Variants in USP16 observed in about 807,000 individuals in gnomAD.
USP16 encodes the protein ubiquitin specific peptidase 16.
In USP16, 77 loss-of-function variants were observed where a neutral mutation model predicts 95.9. That is an observed-to-expected ratio of 0.80 (90% CI 0.67 to 0.97). The LOEUF (loss-of-function observed/expected upper bound fraction) is 0.97, where lower values mean the gene tolerates loss of function less well. Among genes scored for constraint, USP16 ranks in the 50% least tolerant of loss-of-function variants. USP16 has a pLI of 0.00. For missense variants in USP16, 943 were observed against 959.9 expected (o/e 0.98, Z 0.23); for synonymous variants, 303 against 318.2 (o/e 0.95, Z 0.51).
intron 14 of USP16, among the ~76,000 whole-genome samples, chr21:29,048,559 A>G (rs1295435983): frequency 1.3e-5 from 2 of 152,190 alleles, no homozygotes; most frequent in African/African-American, 4.8e-5. Context: ...ATTTATGGAC[A>G]TTTTAATCTC....
chr21:29,050,292 T>G, intron 16 of USP16, 114 bp downstream of exon 16: 3 of 811,364 alleles, frequency 3.7e-6, no homozygotes, highest in Non-Finnish European at 5.7e-6. Flanking sequence ...TTGAGTAGAG[T>G]GGGTCTTTGA....
Position 29,036,263 on chromosome 21 carries a change from G to A in USP16, c.345-8G>A, listed in dbSNP as rs747823878. On this transcript the variant is annotated splice_region_variant and splice_polypyrimidine_tract_variant and intron_variant, in intron 4 of 17. Transcript: ENST00000399976. ...TGTCATTTTTCATCTCTGATTTTTG[G>A]GTCACAGGTGTTACGTATGTGATAA... 1.3e-6 allele frequency: 2 copies of A among 1,588,444 alleles called. No homozygotes were observed. Among genetic ancestry groups the A allele is most frequent in the Non-Finnish European group, 1.7e-6 (2 of 1,164,716 alleles).
intron 12 of USP16, chr21:29,043,151 G>C (rs2085269224): frequency 4.5e-6 from 1 of 220,900 alleles, no homozygotes; most frequent in African/African-American, 2.3e-5. Context: ...GTGTGACACA[G>C]CATGTATCTA....
intron 2 of USP16, among the ~76,000 whole-genome samples, chr21:29,029,329 C>T (rs893590110): frequency 1.3e-5 from 2 of 152,140 alleles, no homozygotes; most frequent in Non-Finnish European, 2.9e-5. Flanking sequence ...AGGAGAATGG[C>T]GTGAACCTGG....
chr21:29,033,553 CAGA>C (rs1454942689), intron 3 of USP16, among the ~76,000 whole-genome samples: 1 of 152,196 alleles, frequency 6.6e-6, no homozygotes, highest in African/African-American at 2.4e-5. Context: ...TAGCTGAAAG[CAGA>C]AGTTTAGGTC....
intron 16 of USP16, among the ~76,000 whole-genome samples, chr21:29,051,788 T>G (rs933015100): frequency 1.3e-5 from 2 of 151,078 alleles, no homozygotes; most frequent in African/African-American, 4.9e-5. Context: ...CGAGATTGCG[T>G]CACTGCACTC....
At chr21:29,038,302 ATTTTTCTC>A in intron 6 of USP16, 25 bp from the exon 7 acceptor site, 1 of 1,486,788 alleles carries the variant, frequency 6.7e-7, no homozygotes, top group Non-Finnish European at 9.3e-7. Flanking sequence ...CCTTTAAATA[ATTTTTCTC>A]TTTTTTTTTC....
chr21:29,042,441 A>G (rs2085258272), intron 11 of USP16, 31 bp from the exon 12 acceptor site: 15 of 1,594,380 alleles, frequency 9.4e-6, no homozygotes, highest in Non-Finnish European at 1.3e-5. Flanking sequence ...CAGTATTTAC[A>G]TTTTTACACT....
Position 29,046,993 on chromosome 21 carries a change from C to T in USP16, c.1683C>T (p.Tyr561=). 1 of 1,614,014 alleles carries T rather than the reference C, an allele frequency of 6.2e-7. No homozygotes were observed. Among genetic ancestry groups the T allele is most frequent in the Non-Finnish European group, 8.5e-7 (1 of 1,180,016 alleles). The change falls in exon 14 of 18, where the codon TAC becomes TAT. Residue 561 remains tyrosine (Y), a synonymous_variant. Transcript: ENST00000399976. ...CCACTAGGAATTTAAATGGTGCCTA[C>T]CTAACGGAAGGGAGCAATGGAGAAG... The part of the protein sequence containing the change: ...SSPTRNLNGA[Y]LTEGSNGEVD...
intron 16 of USP16, among the ~76,000 whole-genome samples, chr21:29,051,724 G>A (rs2085417357): frequency 2.0e-5 from 3 of 152,176 alleles, no homozygotes; most frequent in Admixed American, 6.5e-5. Flanking sequence ...CCAGCTACTC[G>A]GGAGGCTGAG....
intron 13 of USP16, 52 bp from the exon 14 acceptor site, chr21:29,046,615 C>G: frequency 6.6e-7 from 1 of 1,521,278 alleles, no homozygotes; most frequent in East Asian, 2.3e-5. Flanking sequence ...TCCTCCTTTT[C>G]TCCCGCTCTT....
intron 1 of USP16, chr21:29,026,753 G>A (rs2084998228): frequency 6.6e-6 from 1 of 151,938 alleles, no homozygotes; most frequent in South Asian, 2.1e-4. Flanking sequence ...CTCCTTGAGT[G>A]AAATGCCTCT....
chr21:29,038,979 G>T, intron 7 of USP16, 47 bp from the exon 8 acceptor site: 1 of 1,444,660 alleles, frequency 6.9e-7, no homozygotes, highest in Non-Finnish European at 9.1e-7. Flanking sequence ...TAAAGTCAGT[G>T]ATTCCAGAAT....
chr21:29,030,793 T>C lies in USP16; in HGVS notation c.240+20T>C. The stretch of plus-strand genomic sequence containing the variant: ...CATCAGGTATGCTTACGTTTTAAGA[T>C]CAATATGGGATTTTAGAAAACTCTT... On this transcript the variant is annotated intron_variant, in intron 3 of 17. Coordinates refer to ENST00000399976, the MANE Select transcript of USP16 (RefSeq NM_006447.3). The C allele has an allele frequency of 6.3e-7, 1 of 1,583,394 alleles. No homozygotes were observed. The highest frequency in any genetic ancestry group is 8.6e-7 in the Non-Finnish European group (1 of 1,169,378).
Position 29,030,773 on chromosome 21 carries a change from G to C in USP16, c.240G>C (p.Gln80His). Residue 80 changes from glutamine (Q) to histidine (H), a missense_variant and splice_region_variant, in exon 3 of 18, where the codon CAG (glutamine) becomes CAC (histidine). Coordinates refer to ENST00000399976, the MANE Select transcript of USP16 (RefSeq NM_006447.3). ...GGCTGTGTCTTAAATGTGGCCATCAGGTATGCTTACGTTTTAAGATCAATA... is the reference window on the plus strand; with the variant it reads ...GGCTGTGTCTTAAATGTGGCCATCACGTATGCTTACGTTTTAAGATCAATA... ...SVWLCLKCGHQGCGRNSQEQH... is the reference protein window; with the variant it reads ...SVWLCLKCGHHGCGRNSQEQH... The C allele has an allele frequency of 2.5e-6, 4 of 1,595,846 alleles. No individual in the cohort carries two copies. Among genetic ancestry groups the C allele is most frequent in the Non-Finnish European group, 3.4e-6 (4 of 1,174,474 alleles).
At chr21:29,051,642 CCAGCATGGT>C (rs2085415885) in intron 16 of USP16, among the ~76,000 whole-genome samples, 1 of 152,134 alleles carries the variant, frequency 6.6e-6, no homozygotes, top group South Asian at 2.1e-4. Context: ...ACCAGCCTGG[CCAGCATGGT>C]GAAACCCTGT....
chr21:29,040,799 C>A (rs1423843089), intron 10 of USP16, 112 bp downstream of exon 10: 1 of 468,156 alleles, frequency 2.1e-6, no homozygotes, highest in Non-Finnish European at 3.6e-6. Flanking sequence ...TATAATTTCT[C>A]TTTATCAACG....
intron 2 of USP16, 135 bp downstream of exon 2, chr21:29,028,109 T>C: frequency 1.4e-6 from 1 of 694,868 alleles, no homozygotes; most frequent in Admixed American, 3.2e-5. Context: ...TATATGTCAT[T>C]TAATAGTCTT....
intron 14 of USP16, among the ~76,000 whole-genome samples, chr21:29,048,066 TGTG>T (rs1449751156): frequency 6.7e-6 from 1 of 149,242 alleles, no homozygotes; most frequent in African/African-American, 2.5e-5. Context: ...TGTGTGTGTG[TGTG>T]TGTGTGTGTG....
Sources: allele counts gnomAD v4.1 joint callset (sites outside exome capture counted in the v4.1 genomes callset), GRCh38; gene constraint gnomAD v4.1.1; transcripts MANE v1.5; gene names NCBI Gene and HGNC (gene_info 2026-07-23, HGNC 2026-07-21).